Variants in GAS7 observed in about 807,000 individuals in gnomAD.
GAS7 encodes growth arrest-specific protein 7.
In GAS7, 28 loss-of-function variants were observed where a neutral mutation model predicts 71.1. The ratio of observed to expected loss-of-function variants is 0.39; its 90% confidence interval spans 0.29 to 0.54. GAS7 has a LOEUF of 0.54. Among genes scored for constraint, GAS7 ranks in the 20% least tolerant of loss-of-function variants. The pLI is 0.62. For missense variants in GAS7, 436 were observed against 627.8 expected (o/e 0.69, Z 3.27); for synonymous variants, 258 against 245.8 (o/e 1.05, Z -0.46).
rs117572956 is a variant in GAS7 at position 10,119,795 on chromosome 17, C to T, written c.183+78413G>A. ...TCTTCTTTAGAAGCACCAAGTTCAA[C>T]GAGTGGGTCCTTCAGGCTGTCTTCT... On this transcript the variant is annotated intron_variant, in intron 1 of 13. Coordinates refer to ENST00000432992, the MANE Select transcript of GAS7 (RefSeq NM_201433.2). 5.8e-3 allele frequency among the ~76,000 whole-genome samples: 885 copies of T among 152,300 alleles called. 8 individuals carry two copies. Among genetic ancestry groups the T allele is most frequent in the Middle Eastern group, 0.01 (3 of 294 alleles).
In GAS7 at chr17:10,178,994, G is replaced by A. The variant is rs1406523285; in HGVS notation, c.183+19214C>T. Among the ~76,000 whole-genome samples, 3 of 152,110 alleles carry A rather than the reference G, an allele frequency of 2.0e-5. No homozygotes were observed. The East Asian group carries it at 5.8e-4, about 29-fold the overall frequency. On this transcript the variant is annotated intron_variant, in intron 1 of 13. Coordinates refer to ENST00000432992, the MANE Select transcript of GAS7 (RefSeq NM_201433.2). ...TCAAAAACTGTAGTCGACTGGCTGA[G>A]AGAACCAATGTCCCCTCTGCCATGT...
At chr17:10,173,624 C>T (rs894469618) in intron 1 of GAS7, among the ~76,000 whole-genome samples, 21 of 151,974 alleles carry the variant, frequency 1.4e-4, no homozygotes, top group African/African-American at 3.6e-4. Context: ...AAAAATTAGC[C>T]GGGTGTGGCA....
Position 9,969,706 on chromosome 17 carries a change from T to G in GAS7, c.442A>C (p.Ser148Arg). 6.2e-7 allele frequency: 1 copy of G among 1,612,080 alleles called. No homozygotes were observed. The highest frequency in any genetic ancestry group is 8.5e-7 in the Non-Finnish European group (1 of 1,178,144). The change falls in exon 4 of 14, where the codon AGT (serine) becomes CGT (arginine). Residue 148 changes from serine to arginine, a missense_variant. Physicochemically the swap from Ser to Arg is moderately radical, Grantham distance 110. Coordinates refer to ENST00000432992, the MANE Select transcript of GAS7 (RefSeq NM_201433.2). This position sits in a 1 kb window ranked among gnomAD's most constrained non-coding sequence, Gnocchi z 5.5. The stretch of plus-strand genomic sequence containing the variant: ...GAATCACCGGTGGATTTTCGGACAC[T>G]CATGTGGGCAGTCTCTGGAGGGTGC... ...PAHPPETAHM[S>R]VRKSTGDSQN...
chr17:10,120,249 C>T (rs186945271), intron 1 of GAS7, among the ~76,000 whole-genome samples: 6 of 152,288 alleles, frequency 3.9e-5, no homozygotes, highest in Non-Finnish European at 5.9e-5. Context: ...GGCCAGCCAC[C>T]GGCCACCTCC....
chr17:9,975,342 C>A (rs1109034), intron 3 of GAS7, among the ~76,000 whole-genome samples: 3 of 114,920 alleles, frequency 2.6e-5, no homozygotes, highest in Non-Finnish European at 5.3e-5. Flanking sequence ...GCAACAAGTG[C>A]GAAACTGTCT....
In GAS7 at chr17:9,927,290, T is replaced by TACACACACACACAC. The variant is rs371084335; in HGVS notation, c.886-535_886-522dup. 3.7e-3 allele frequency among the ~76,000 whole-genome samples: 430 copies of TACACACACACACAC among 116,902 alleles called. 6 individuals are homozygous for TACACACACACACAC. The highest frequency in any genetic ancestry group is 4.5e-3 in the Non-Finnish European group (259 of 57,790). 76.7% of individuals were successfully genotyped at this position (116,902 alleles called of 152,430 possible). On this transcript the variant is annotated intron_variant, in intron 9 of 13. Coordinates refer to ENST00000432992, the MANE Select transcript of GAS7 (RefSeq NM_201433.2). ...ATGGTGAAACCCCATCTCTACTACA[T>TACACACACACACAC]ACACACACACACACACACACACACA...
intron 9 of GAS7, among the ~76,000 whole-genome samples, chr17:9,933,069 G>A (rs2068266663): frequency 6.6e-6 from 1 of 152,162 alleles, no homozygotes; most frequent in Non-Finnish European, 1.5e-5. Flanking sequence ...CTACTCGGGA[G>A]GCTGAGGCAG....
intron 2 of GAS7, among the ~76,000 whole-genome samples, chr17:10,001,529 G>C (rs8066733): frequency 0.24 from 35,833 of 152,008 alleles, 6,456 homozygotes; most frequent in African/African-American, 0.51. Flanking sequence ...GGAGCTGAGC[G>C]CTCCCCTGCA....
At chr17:9,938,659 C>T (rs1247091726) in intron 8 of GAS7, among the ~76,000 whole-genome samples, 2 of 151,556 alleles carry the variant, frequency 1.3e-5, no homozygotes, top group Non-Finnish European at 1.5e-5. Flanking sequence ...TCCAGAGCCA[C>T]GAGAAAATAA....
At chr17:10,166,575 C>T (rs1416039021) in intron 1 of GAS7, among the ~76,000 whole-genome samples, 1 of 152,170 alleles carries the variant, frequency 6.6e-6, no homozygotes, top group African/African-American at 2.4e-5. Context: ...CATCATTAAC[C>T]TCTCAATGAA....
chr17:10,087,001 T>C (rs553216165), intron 1 of GAS7, among the ~76,000 whole-genome samples: 48 of 152,274 alleles, frequency 3.2e-4, no homozygotes, highest in African/African-American at 1.1e-3. Flanking sequence ...AGTTATGAAA[T>C]AATGTCACAA....
chr17:10,101,330 C>A (rs1005910754), intron 1 of GAS7, among the ~76,000 whole-genome samples: 1 of 152,186 alleles, frequency 6.6e-6, no homozygotes, highest in Non-Finnish European at 1.5e-5. Context: ...TTGCCACATG[C>A]GTCTCTCCCT....
chr17:10,097,760 G>A (rs1319003534), intron 1 of GAS7, among the ~76,000 whole-genome samples: 1 of 152,038 alleles, frequency 6.6e-6, no homozygotes, highest in Non-Finnish European at 1.5e-5. Context: ...ATGTACACTG[G>A]GGGCCAGGCA....
chr17:10,057,771 G>T (rs79546193), intron 1 of GAS7, among the ~76,000 whole-genome samples: 1 of 152,128 alleles, frequency 6.6e-6, no homozygotes, highest in Non-Finnish European at 1.5e-5. Context: ...CACTGAGAAC[G>T]GGCCATGATG....
chr17:9,933,197 C>A lies in GAS7; in HGVS notation c.885+969G>T, dbSNP rs377425637. Among the ~76,000 whole-genome samples, 12 of 152,110 alleles carry A rather than the reference C, an allele frequency of 7.9e-5. No individual in the cohort carries two copies. In the East Asian group the frequency reaches 1.9e-3, roughly 25 times the overall value. On this transcript the variant is annotated intron_variant, in intron 9 of 13. Coordinates refer to ENST00000432992, the MANE Select transcript of GAS7 (RefSeq NM_201433.2). ...AAAATCAATAAATCAATAAATCAAT[C>A]AATAAATAAATGAATAAATAAATAA...
chr17:10,057,047 C>T (rs9897157), intron 1 of GAS7, among the ~76,000 whole-genome samples: 6,283 of 152,218 alleles, frequency 0.041, 450 homozygotes, highest in African/African-American at 0.14. Context: ...CTGCCAGCCT[C>T]GGCCTCCCGA....
chr17:9,976,661 T>G (rs2070217209), intron 3 of GAS7, among the ~76,000 whole-genome samples: 4 of 152,180 alleles, frequency 2.6e-5, no homozygotes, highest in Non-Finnish European at 5.9e-5. Context: ...CCCTTTAATC[T>G]AGGTTCCCTG....
intron 1 of GAS7, among the ~76,000 whole-genome samples, chr17:10,025,598 G>T (rs1345674601): frequency 6.8e-6 from 1 of 147,550 alleles, no homozygotes; most frequent in African/African-American, 2.5e-5. Flanking sequence ...AAAAAAAAAA[G>T]CAGGCAAGCA....
At chr17:10,042,830 C>T (rs545845426) in intron 1 of GAS7, among the ~76,000 whole-genome samples, 35 of 152,138 alleles carry the variant, frequency 2.3e-4, no homozygotes, top group African/African-American at 8.4e-4. Context: ...TGATAAAGGA[C>T]GGGACATAAG....
Sources: allele counts gnomAD v4.1 joint callset (sites outside exome capture counted in the v4.1 genomes callset), GRCh38; gene constraint gnomAD v4.1.1; non-coding constraint Gnocchi (gnomAD v3.1); transcripts MANE v1.5; gene names NCBI Gene and HGNC (gene_info 2026-07-23, HGNC 2026-07-21).